The following PGD variants were observed in gnomAD, a reference collection of about 807,000 sequenced individuals.
The protein encoded by PGD is phosphogluconate dehydrogenase.
PGD carries 21 observed loss-of-function variants against 60.4 expected under a neutral mutation model. That is an observed-to-expected ratio of 0.35 (90% CI 0.25 to 0.50). PGD has a LOEUF of 0.50. Ranked by LOEUF, PGD falls within the 20% of genes least tolerant of loss-of-function variation. The pLI is 0.98. For missense variants in PGD, 477 were observed against 613.1 expected (o/e 0.78, Z 2.34); for synonymous variants, 230 against 235.9 (o/e 0.97, Z 0.23).
At chr1:10,414,475 A>C (rs1639560469) in intron 8 of PGD, among the ~76,000 whole-genome samples, 1 of 151,910 alleles carries the variant, frequency 6.6e-6, no homozygotes, top group African/African-American at 2.4e-5. Flanking sequence ...CCCGGGTTCA[A>C]GTGATTCTCC....
intron 8 of PGD, among the ~76,000 whole-genome samples, chr1:10,415,784 A>T (rs1016123686): frequency 2.2e-4 from 33 of 152,228 alleles, no homozygotes; most frequent in Admixed American, 1.7e-3. Context: ...AGAGTCATTT[A>T]TTCTAACTAT....
At position 10,403,119 on chromosome 1, in the gene PGD, G is replaced by A; in HGVS notation, c.313G>A (p.Glu105Lys). The A allele has an allele frequency of 6.2e-7, 1 of 1,605,810 alleles. No homozygotes were observed. Reference sequence around the variant, plus strand: ...CATCATCATTGACGGAGGAAATTCTGAATATAGGGACACCACAGTAAGTGT... The same window carrying A: ...CATCATCATTGACGGAGGAAATTCTAAATATAGGGACACCACAGTAAGTGT... Reference protein sequence around the residue: ...GDIIIDGGNSEYRDTTRRCRD... With the variant: ...GDIIIDGGNSKYRDTTRRCRD... The change falls in exon 4 of 13, where the codon GAA (glutamate) becomes AAA (lysine). Residue 105 changes from glutamate to lysine, a missense_variant. By Grantham distance (56) the Glu-to-Lys change is moderately conservative. Transcript: ENST00000270776.
intron 4 of PGD, 109 bp from the exon 5 acceptor site, chr1:10,404,052 A>G (rs1313919484): frequency 1.2e-5 from 9 of 774,926 alleles, no homozygotes; most frequent in East Asian, 5.1e-5. Context: ...CTCCATTCCT[A>G]TCTTATACTT....
At chr1:10,400,698 A>G in intron 3 of PGD, 126 bp downstream of exon 3, 1 of 695,246 alleles carries the variant, frequency 1.4e-6, no homozygotes, top group African/African-American at 1.8e-5. Flanking sequence ...TGACCAAATG[A>G]TTGCTTAACT....
intron 5 of PGD, among the ~76,000 whole-genome samples, chr1:10,405,628 T>G (rs1013394071): frequency 1.3e-5 from 2 of 150,586 alleles, no homozygotes; most frequent in Non-Finnish European, 3.0e-5. Flanking sequence ...TCACTTGAGG[T>G]CAGGAGTTCA....
chr1:10,400,151 T>A lies in PGD; in HGVS notation c.85-242T>A, dbSNP rs1021237810. On this transcript the variant is annotated intron_variant, in intron 2 of 12. Coordinates refer to ENST00000270776, the MANE Select transcript of PGD (RefSeq NM_002631.4). ...GATTTGATTTTGAGTCCTAACACGTTGGGTGTGGATTCTACCTGACACACC... is the reference window on the plus strand; with the variant it reads ...GATTTGATTTTGAGTCCTAACACGTAGGGTGTGGATTCTACCTGACACACC... 6 of 513,770 alleles carry A rather than the reference T, an allele frequency of 1.2e-5. No homozygotes were observed. The Admixed American group carries it at 1.4e-4, about 12-fold the overall frequency. The allele number at this position is 513,770 out of a possible 1,614,324, so 31.8% of individuals were successfully genotyped here.
intron 2 of PGD, 109 bp from the exon 3 acceptor site, chr1:10,400,284 T>C: frequency 1.3e-6 from 1 of 789,210 alleles, no homozygotes; most frequent in Non-Finnish European, 2.1e-6. Flanking sequence ...CAAAGGCAGG[T>C]CTGACCTCCC....
intron 5 of PGD, among the ~76,000 whole-genome samples, chr1:10,406,641 CT>C (rs1639410491): frequency 6.6e-6 from 1 of 152,264 alleles, no homozygotes; most frequent in South Asian, 2.1e-4. Flanking sequence ...TAAATGTTAA[CT>C]TTGCAACCCT....
chr1:10,415,868 A>G (rs778465145), intron 8 of PGD, among the ~76,000 whole-genome samples: 1 of 152,354 alleles, frequency 6.6e-6, no homozygotes, highest in South Asian at 2.1e-4. Context: ...TTAAAATACT[A>G]CATTGACTTT....
At chr1:10,416,953 T>C (rs1463742295) in intron 8 of PGD, 34 bp from the exon 9 acceptor site, 12 of 1,608,060 alleles carry the variant, frequency 7.5e-6, no homozygotes, top group African/African-American at 2.7e-5. Flanking sequence ...GGCCTGACAG[T>C]AATCTGTTTC....
intron 1 of PGD, 97 bp downstream of exon 1, chr1:10,399,222 C>G (rs1639266359): frequency 7.1e-7 from 1 of 1,412,498 alleles, no homozygotes; most frequent in East Asian, 2.4e-5. Flanking sequence ...GCCTCCCACC[C>G]TGGGGGTCGC....
chr1:10,400,446 G>A lies in PGD; in HGVS notation c.138G>A (p.Glu46=), dbSNP rs768551114. Reference sequence around the variant, plus strand: ...AAGTTGATGATTTCTTGGCCAATGAGGCAAAGGGAACCAAAGTGGTGGGTG... The same window carrying A: ...AAGTTGATGATTTCTTGGCCAATGAAGCAAAGGGAACCAAAGTGGTGGGTG... ...VSKVDDFLAN[E]AKGTKVVGAQ... The change falls in exon 3 of 13, where the codon GAG becomes GAA. Residue 46 remains glutamate (E), a synonymous_variant. Coordinates refer to ENST00000270776, the MANE Select transcript of PGD (RefSeq NM_002631.4). The A allele has an allele frequency of 1.2e-6, 2 of 1,613,844 alleles. No homozygotes were observed. Among genetic ancestry groups the A allele is most frequent in the Non-Finnish European group, 1.7e-6 (2 of 1,179,918 alleles).
chr1:10,403,299 C>G (rs1364113062), intron 4 of PGD, among the ~76,000 whole-genome samples, 163 bp downstream of exon 4: 1 of 151,926 alleles, frequency 6.6e-6, no homozygotes, highest in African/African-American at 2.4e-5. Flanking sequence ...TTAAGACACA[C>G]TTAACAGAAG....
At chr1:10,404,736 G>A (rs892132430) in intron 5 of PGD, among the ~76,000 whole-genome samples, 5 of 152,198 alleles carry the variant, frequency 3.3e-5, no homozygotes, top group Admixed American at 3.3e-4. Context: ...CTGACCTTAG[G>A]CGATCTGCCC....
chr1:10,400,043 T>C (rs1247482985), intron 2 of PGD: 1 of 447,704 alleles, frequency 2.2e-6, no homozygotes, highest in Non-Finnish European at 4.1e-6. Context: ...AGAGTGAAAA[T>C]GTTTCTTCTA....
intron 1 of PGD, 173 bp from the exon 2 acceptor site, chr1:10,399,456 G>A: frequency 2.0e-6 from 1 of 505,432 alleles, no homozygotes; most frequent in Non-Finnish European, 3.3e-6. Flanking sequence ...GCTGGGGGCC[G>A]CCTGCCCGGC....
intron 3 of PGD, among the ~76,000 whole-genome samples, chr1:10,401,454 G>A (rs1313948748): frequency 6.6e-6 from 1 of 152,240 alleles, no homozygotes; most frequent in African/African-American, 2.4e-5. Flanking sequence ...GGGAGGCTGA[G>A]CATTCCTTTC....
intron 1 of PGD, 70 bp downstream of exon 1, chr1:10,399,195 C>T (rs1454260432): frequency 4.6e-5 from 72 of 1,555,780 alleles, no homozygotes; most frequent in Non-Finnish European, 5.8e-5. Flanking sequence ...GTCGAGATCT[C>T]CCTCGTTCTC....
rs1260722509 is a variant in PGD, at chr1:10,400,087, A to G, written c.85-306A>G. The G allele has an allele frequency of 6.5e-5, 30 of 458,118 alleles. No homozygotes were observed. In the East Asian group the frequency reaches 9.6e-4, roughly 15 times the overall value. The allele number at this position is 458,118 out of a possible 1,614,324, so 28.4% of individuals were successfully genotyped here. On this transcript the variant is annotated intron_variant, in intron 2 of 12. Transcript: ENST00000270776. ...AGTGGCTTAGACGCCAGGATGATCAATAACAACAGATAGAGCCTGTTGAAC... is the reference window on the plus strand; with the variant it reads ...AGTGGCTTAGACGCCAGGATGATCAGTAACAACAGATAGAGCCTGTTGAAC...
Sources: gnomAD v4.1 joint callset for allele counts (sites outside exome capture counted in the v4.1 genomes callset) on GRCh38, gnomAD v4.1.1 for gene constraint, MANE v1.5 for transcripts, NCBI Gene and HGNC (gene_info 2026-07-23, HGNC 2026-07-21) for gene names.